PRUNE2: variants seen among roughly 807,000 people sequenced by gnomAD.
PRUNE2 encodes protein prune homolog 2.
In PRUNE2, 164 loss-of-function variants were observed where a neutral mutation model predicts 252.0. That is an observed-to-expected ratio of 0.65 (90% confidence interval 0.57 to 0.74). The LOEUF is 0.74. Among genes scored for constraint, PRUNE2 ranks in the 30% least tolerant of loss-of-function variants. PRUNE2 has a pLI of 0.00. For synonymous variants in PRUNE2, 1,292 were observed against 1,350.2 expected (o/e 0.96, Z 0.94); for missense variants, 3,495 against 3,711.0 (o/e 0.94, Z 1.51).
intron 10 of PRUNE2, 47 bp downstream of exon 10, chr9:76,655,373 CGTT>C (rs1564477836): frequency 7.8e-7 from 1 of 1,279,742 alleles, no homozygotes. Context: ...ATAATGAAAA[CGTT>C]GGGATACAGA....
At chr9:76,806,099 AGTGCG>A (rs1289210309) in intron 6 of PRUNE2, among the ~76,000 whole-genome samples, 1 of 152,194 alleles carries the variant, frequency 6.6e-6, no homozygotes, top group Non-Finnish European at 1.5e-5. Context: ...AGTGGTTCAA[AGTGCG>A]GTCTCTGAAC....
rs141950430 is a variant in PRUNE2, at chr9:76,888,045, C to T, written c.36+17883G>A. On this transcript the variant is annotated intron_variant, in intron 1 of 18. Transcript: ENST00000376718. ...AAAGGAATAGAAAAGCACAAAAGGG[C>T]AGTAGGAAATGAAGCATGAACCAAA... Among the ~76,000 whole-genome samples the T allele has an allele frequency of 5.6e-3, 848 of 152,188 alleles. 4 individuals carry two copies. Among genetic ancestry groups the T allele is most frequent in the African/African-American group, 0.018 (752 of 41,538 alleles).
At chr9:76,868,529 T>C (rs1345795453) in intron 1 of PRUNE2, among the ~76,000 whole-genome samples, 2 of 152,090 alleles carry the variant, frequency 1.3e-5, no homozygotes, top group Non-Finnish European at 2.9e-5. Flanking sequence ...GGGAATTCTG[T>C]AGGATAGAAC....
intron 17 of PRUNE2, among the ~76,000 whole-genome samples, chr9:76,619,965 A>G (rs1831438456): frequency 6.6e-6 from 1 of 152,204 alleles, no homozygotes. Context: ...CCAGAAAACA[A>G]ATGTAACCTT....
In PRUNE2 at chr9:76,882,308, C is replaced by G. The variant is rs547227413; in HGVS notation, c.36+23620G>C. On this transcript the variant is annotated intron_variant, in intron 1 of 18. Coordinates refer to ENST00000376718, the MANE Select transcript of PRUNE2 (RefSeq NM_015225.3). ...ACCTCATATATGATGATTATAATTA[C>G]CATTCTCATCACCAAGCATGTAAAG... Among the ~76,000 whole-genome samples the G allele has an allele frequency of 3.9e-4, 59 of 152,258 alleles. No homozygotes were observed. In the South Asian group the frequency reaches 0.012, roughly 30 times the overall value.
intron 6 of PRUNE2, among the ~76,000 whole-genome samples, chr9:76,781,695 T>G (rs955252440): frequency 4.6e-5 from 7 of 152,244 alleles, no homozygotes; most frequent in Admixed American, 4.6e-4. Flanking sequence ...CTGACTAAAC[T>G]GAAAGCTCCA....
At chr9:76,650,708 G>A (rs1847048163) in intron 11 of PRUNE2, among the ~76,000 whole-genome samples, 1 of 152,144 alleles carries the variant, frequency 6.6e-6, no homozygotes, top group Non-Finnish European at 1.5e-5. Context: ...CTAAAACAGG[G>A]TTGTGGCCAT....
Position 76,705,177 on chromosome 9 carries a change from A to G in PRUNE2, c.7097T>C (p.Leu2366Pro). Residue 2366 changes from leucine to proline, a missense_variant, in exon 8 of 19, where the codon CTG (leucine) becomes CCG (proline). By Grantham distance (98) the Leu-to-Pro change is moderately conservative (BLOSUM62 -3). Transcript: ENST00000376718. ...ATACAGGAAGTGTTCAGGCTCTCTC[A>G]GTAAATCTTCATCGATATTCTGGCC... is the stretch of plus-strand genomic sequence containing the variant. ...VMGQNIDEDL[L>P]REPEHFLYGG... 1 of 1,614,034 alleles carries G rather than the reference A, an allele frequency of 6.2e-7. No individual in the cohort carries two copies. The highest frequency in any genetic ancestry group is 8.5e-7 in the Non-Finnish European group (1 of 1,179,908).
chr9:76,856,682 G>C (rs554853469), intron 1 of PRUNE2: 2 of 161,394 alleles, frequency 1.2e-5, no homozygotes, highest in African/African-American at 4.8e-5. Flanking sequence ...AAGGTATAAC[G>C]GGTAAGGACC....
intron 6 of PRUNE2, among the ~76,000 whole-genome samples, chr9:76,734,939 GGA>G (rs1211042983): frequency 3.3e-5 from 5 of 152,190 alleles, no homozygotes; most frequent in South Asian, 2.1e-4. Flanking sequence ...GGAGAGTCAT[GGA>G]GAGAGGAGTG....
chr9:76,865,290 C>A (rs548964801), intron 1 of PRUNE2, among the ~76,000 whole-genome samples: 1 of 151,978 alleles, frequency 6.6e-6, no homozygotes, highest in Non-Finnish European at 1.5e-5. Flanking sequence ...GTCAGGAGTT[C>A]GAGACCAGCC....
chr9:76,646,606 C>G (rs7852547), intron 11 of PRUNE2, among the ~76,000 whole-genome samples: 3,779 of 151,948 alleles, frequency 0.025, 142 homozygotes, highest in African/African-American at 0.086. Context: ...CTGCTTCTTC[C>G]TTCCTACATG....
intron 9 of PRUNE2, among the ~76,000 whole-genome samples, chr9:76,700,973 T>C (rs1338656421): frequency 6.6e-6 from 1 of 152,254 alleles, no homozygotes; most frequent in Non-Finnish European, 1.5e-5. Context: ...TTGACTTAAA[T>C]ATTACACTGC....
At chr9:76,757,867 A>C (rs909912957) in intron 6 of PRUNE2, among the ~76,000 whole-genome samples, 4 of 152,026 alleles carry the variant, frequency 2.6e-5, no homozygotes, top group African/African-American at 9.7e-5. Context: ...GGCCCCACCC[A>C]AAAAAAGAGA....
intron 9 of PRUNE2, among the ~76,000 whole-genome samples, chr9:76,694,147 C>G (rs2045128329): frequency 6.6e-6 from 1 of 152,136 alleles, no homozygotes; most frequent in African/African-American, 2.4e-5. Context: ...AGAACAGACA[C>G]TGTAACTAAT....
chr9:76,822,563 T>C (rs2058095489), intron 6 of PRUNE2, among the ~76,000 whole-genome samples: 1 of 152,180 alleles, frequency 6.6e-6, no homozygotes, highest in Non-Finnish European at 1.5e-5. Flanking sequence ...ATCCCAGCAC[T>C]TTGGGAGGCC....
At chr9:76,779,722 T>C (rs1347456174) in intron 6 of PRUNE2, 3 of 152,256 alleles carry the variant, frequency 2.0e-5, no homozygotes, top group Admixed American at 6.5e-5. Context: ...TCAGATTTAC[T>C]GTACAGTTCA....
intron 6 of PRUNE2, among the ~76,000 whole-genome samples, chr9:76,722,044 T>C (rs2135257417): frequency 6.6e-6 from 1 of 152,094 alleles, no homozygotes; most frequent in South Asian, 2.1e-4. Flanking sequence ...CCAGATGTCA[T>C]TTATTTATAC....
Position 76,905,969 on chromosome 9 carries a change from G to C in PRUNE2, c.-6C>G, listed in dbSNP as rs1468928643. 1.2e-6 allele frequency: 2 copies of C among 1,614,062 alleles called. No homozygotes were observed. Among genetic ancestry groups the C allele is most frequent in the Non-Finnish European group, 1.7e-6 (2 of 1,180,020 alleles). On this transcript the variant is annotated 5_prime_UTR_variant, in exon 1 of 19. Transcript: ENST00000376718. ...CGTTGCAAAAATTCTTCCATGTCGTGGCTAGGGGTTTGGAACCCGGGTACT... is the reference window on the plus strand; with the variant it reads ...CGTTGCAAAAATTCTTCCATGTCGTCGCTAGGGGTTTGGAACCCGGGTACT...
Sources: gnomAD v4.1 joint callset for allele counts (sites outside exome capture counted in the v4.1 genomes callset) on GRCh38, gnomAD v4.1.1 for gene constraint, MANE v1.5 for transcripts, NCBI Gene and HGNC (gene_info 2026-07-23, HGNC 2026-07-21) for gene names.